FLT1: variants seen among roughly 807,000 people sequenced by gnomAD.
FLT1 encodes the protein fms related receptor tyrosine kinase 1.
A neutral mutation model predicts 156.3 loss-of-function variants in FLT1; 49 were observed. That is an observed-to-expected ratio of 0.31 (90% CI 0.25 to 0.40). The LOEUF is 0.40. FLT1 is among the 10% of genes least tolerant of loss of function. The probability of loss-of-function intolerance (pLI) is 1.00; values close to 1 mark genes in which losing one functional copy is unlikely to be tolerated. For synonymous variants in FLT1, 594 were observed against 583.8 expected (o/e 1.02, Z -0.25); for missense variants, 1,322 against 1,637.2 (o/e 0.81, Z 3.32).
rs557560584 is a variant in FLT1, at chr13:28,452,128, TACTTCCAGTTTGCA to T, written c.389-13797_389-13784del. Reference sequence around the variant, plus strand: ...GTGTGCCAGCTGAATCCAGCCTGCATACTTCCAGTTTGCAACCCTGCATGCACTCCTGTCCCTTC... The same window carrying T: ...GTGTGCCAGCTGAATCCAGCCTGCATACCCTGCATGCACTCCTGTCCCTTC... On this transcript the variant is annotated intron_variant, in intron 3 of 29. Coordinates refer to ENST00000282397, the MANE Select transcript of FLT1 (RefSeq NM_002019.4). Among the ~76,000 whole-genome samples, 28 of 152,352 alleles carry T rather than the reference TACTTCCAGTTTGCA, an allele frequency of 1.8e-4. No homozygotes were observed. In the East Asian group the frequency reaches 4.0e-3, roughly 22 times the overall value.
At chr13:28,348,841 G>A (rs531047522) in intron 15 of FLT1, among the ~76,000 whole-genome samples, 49 of 152,196 alleles carry the variant, frequency 3.2e-4, no homozygotes, top group East Asian at 2.1e-3. Flanking sequence ...CGCGGGAGGC[G>A]GAGGTTGCAG....
chr13:28,357,529 G>A (rs374812150), intron 15 of FLT1, 25 bp downstream of exon 15: 3 of 1,613,148 alleles, frequency 1.9e-6, no homozygotes, highest in Middle Eastern at 1.6e-4. Flanking sequence ...CCAATTTCTT[G>A]TTGCTTTCTT....
chr13:28,396,672 G>A (rs961281985), intron 12 of FLT1: 3 of 517,110 alleles, frequency 5.8e-6, no homozygotes, highest in Non-Finnish European at 1.1e-5. Flanking sequence ...CCTGTGCTAG[G>A]TACTGAAGGG....
chr13:28,464,508 A>C (rs1433655037), intron 3 of FLT1, among the ~76,000 whole-genome samples: 4 of 152,260 alleles, frequency 2.6e-5, no homozygotes, highest in Non-Finnish European at 5.9e-5. Flanking sequence ...TAATCCATTC[A>C]TTTATTCATT....
chr13:28,431,835 T>C (rs928620809), intron 6 of FLT1, among the ~76,000 whole-genome samples: 4 of 152,176 alleles, frequency 2.6e-5, no homozygotes, highest in African/African-American at 4.8e-5. Context: ...TGAGTTTCCT[T>C]TTTTGTCCCT....
chr13:28,357,176 C>T (rs1455347185), intron 15 of FLT1, among the ~76,000 whole-genome samples: 1 of 149,850 alleles, frequency 6.7e-6, no homozygotes. Context: ...GTGCGAGTTC[C>T]CCCTCCTCAC....
intron 3 of FLT1, among the ~76,000 whole-genome samples, chr13:28,455,107 C>T (rs990002357): frequency 6.6e-6 from 1 of 152,230 alleles, no homozygotes; most frequent in Non-Finnish European, 1.5e-5. Flanking sequence ...AATGCAATCC[C>T]AATCAAAATC....
intron 1 of FLT1, among the ~76,000 whole-genome samples, chr13:28,482,173 G>A (rs1315500471): frequency 5.3e-5 from 8 of 152,080 alleles, no homozygotes; most frequent in Non-Finnish European, 1.2e-4. Context: ...TACAGACCTC[G>A]CCGGGTGTGG....
At chr13:28,411,577 A>C (rs1226540210) in intron 10 of FLT1, among the ~76,000 whole-genome samples, 1 of 151,876 alleles carries the variant, frequency 6.6e-6, no homozygotes, top group Non-Finnish European at 1.5e-5. Context: ...AACTTACAAC[A>C]AAATAAAACC....
intron 3 of FLT1, 86 bp from the exon 4 acceptor site, chr13:28,438,431 G>T: frequency 9.9e-7 from 1 of 1,008,718 alleles, no homozygotes; most frequent in Non-Finnish European, 1.5e-6. Context: ...GGTATGGTAG[G>T]CATTGCCACA....
At position 28,439,855 on chromosome 13, in the gene FLT1, T is replaced by TA. The variant is rs1878241592; in HGVS notation, c.389-1511dup. On this transcript the variant is annotated intron_variant, in intron 3 of 29. Transcript: ENST00000282397. The surrounding 1 kb of genome is among the most constrained non-coding windows in gnomAD (Gnocchi z 4.1). ...GGCCCAGATGATTTGATTTCAGACT[T>TA]AGAGTTTCCAGAACTGTGAGATAAT... 6.6e-6 allele frequency among the ~76,000 whole-genome samples: 1 copy of TA among 152,116 alleles called. No homozygotes were observed. The highest frequency in any genetic ancestry group is 1.5e-5 in the Non-Finnish European group (1 of 68,034).
rs1332533337 is a variant in FLT1 at position 28,300,634 on chromosome 13, ATGT to A, written c.*2530_*2532del. Reference sequence around the variant, plus strand: ...AATGAGGCTAGCGAGTATCTGTTTGATGTTTGCATTCTTGTGGGCTAGGAAACA... The same window carrying A: ...AATGAGGCTAGCGAGTATCTGTTTGATTGCATTCTTGTGGGCTAGGAAACA... On this transcript the variant is annotated 3_prime_UTR_variant, in exon 30 of 30. Transcript: ENST00000282397. 6 of 232,390 alleles carry A rather than the reference ATGT, an allele frequency of 2.6e-5. No homozygotes were observed. Among genetic ancestry groups the A allele is most frequent in the Non-Finnish European group, 5.1e-5 (6 of 117,988 alleles). 14.4% of individuals were successfully genotyped at this position (232,390 alleles called of 1,614,324 possible).
At position 28,467,740 on chromosome 13, in the gene FLT1, CTTTAA is replaced by C. The variant is rs61763168; in HGVS notation, c.65-128_65-124del. The C allele has an allele frequency of 2.4e-3, 1,482 of 624,148 alleles. 13 individuals are homozygous for C. Among genetic ancestry groups the C allele is most frequent in the African/African-American group, 0.023 (1,247 of 54,082 alleles). The allele number at this position is 624,148 out of a possible 1,614,324, so 38.7% of individuals were successfully genotyped here. ...ATTTACATCTTTAATTTACTTGTAT[CTTTAA>C]TTTATAAGCAAAAGATACACTAATA... On this transcript the variant is annotated intron_variant, in intron 1 of 29. Transcript: ENST00000282397.
At chr13:28,373,696 G>T (rs2137432674) in intron 14 of FLT1, among the ~76,000 whole-genome samples, 1 of 152,288 alleles carries the variant, frequency 6.6e-6, no homozygotes, top group South Asian at 2.1e-4. Flanking sequence ...CTTTAGTGTA[G>T]GGAGGAATTT....
chr13:28,328,139 A>C (rs1871771507), intron 19 of FLT1, among the ~76,000 whole-genome samples: 1 of 152,232 alleles, frequency 6.6e-6, no homozygotes, highest in Non-Finnish European at 1.5e-5. Context: ...TGTAGCCTGG[A>C]AACAACCAAA....
chr13:28,412,291 CTTTCTT>C (rs1458708424), intron 10 of FLT1, among the ~76,000 whole-genome samples: 1 of 151,240 alleles, frequency 6.6e-6, no homozygotes, highest in African/African-American at 2.4e-5. Flanking sequence ...TCCCCCTTCT[CTTTCTT>C]TTTCTCTTTC....
chr13:28,322,142 G>C lies in FLT1; in HGVS notation c.3051+120C>G. ...ATCAAGGCAAATTAAGGCACTTGCA[G>C]TGGTGTTTGTTCTACATTTAAGAAC... On this transcript the variant is annotated intron_variant, in intron 22 of 29. Coordinates refer to ENST00000282397, the MANE Select transcript of FLT1 (RefSeq NM_002019.4). The surrounding 1 kb of genome is among the most constrained non-coding windows in gnomAD (Gnocchi z 4.3). 3 of 740,568 alleles carry C rather than the reference G, an allele frequency of 4.1e-6. No individual in the cohort carries two copies. In the South Asian group the frequency reaches 4.4e-5, roughly 11 times the overall value. The allele number at this position is 740,568 out of a possible 1,614,324, so 45.9% of individuals were successfully genotyped here. A position where few individuals can be genotyped will look rare whatever the true frequency, so the allele number is the denominator to read the frequency against.
In FLT1 at chr13:28,322,633, TA is replaced by T; in HGVS notation, c.2953+156del. 1.3e-6 allele frequency: 1 copy of T among 794,442 alleles called. No individual in the cohort carries two copies. Among genetic ancestry groups the T allele is most frequent in the Non-Finnish European group, 2.1e-6 (1 of 465,526 alleles). The allele number at this position is 794,442 out of a possible 1,614,324, so 49.2% of individuals were successfully genotyped here. Reference sequence around the variant, plus strand: ...TTCCCTGTCAAAATTAGTAACTCTGTAAATTATCTTAATTCAAATCTTATCT... The same window carrying T: ...TTCCCTGTCAAAATTAGTAACTCTGTAATTATCTTAATTCAAATCTTATCT... On this transcript the variant is annotated intron_variant, in intron 21 of 29. Coordinates refer to ENST00000282397, the MANE Select transcript of FLT1 (RefSeq NM_002019.4). The surrounding 1 kb of genome is among the most constrained non-coding windows in gnomAD (Gnocchi z 4.3).
intron 10 of FLT1, among the ~76,000 whole-genome samples, chr13:28,415,623 T>C (rs916429558): frequency 6.6e-6 from 1 of 152,170 alleles, no homozygotes; most frequent in Non-Finnish European, 1.5e-5. Context: ...AACATATATG[T>C]TTATTGAAGA....
Sources: gnomAD v4.1 joint callset for allele counts (sites outside exome capture counted in the v4.1 genomes callset) on GRCh38, gnomAD v4.1.1 for gene constraint, Gnocchi (gnomAD v3.1) non-coding constraint, MANE v1.5 for transcripts, NCBI Gene and HGNC (gene_info 2026-07-23, HGNC 2026-07-21) for gene names.